The following FEZ2 variants were observed in gnomAD, a reference collection of about 807,000 sequenced individuals.
The protein encoded by FEZ2 is fasciculation and elongation protein zeta 2.
Under a neutral mutation model 40.4 loss-of-function variants are expected in FEZ2, and 51 were observed. That is an observed-to-expected ratio of 1.26 (90% CI 1.01 to 1.59). The LOEUF (loss-of-function observed/expected upper bound fraction) is 1.59. Among genes scored for constraint, FEZ2 ranks in the 40% most tolerant of loss-of-function variants. The probability of loss-of-function intolerance (pLI) is 0.00; values close to 1 mark genes in which losing one functional copy is unlikely to be tolerated. For synonymous variants in FEZ2, 242 were observed against 172.0 expected (o/e 1.41, Z -3.18); for missense variants, 640 against 438.3 (o/e 1.46, Z -4.11).
rs1420652810 is a variant in FEZ2 at position 36,569,988 on chromosome 2, CACG to C, written c.903+8606_903+8608del. Reference sequence around the variant, plus strand: ...AACATAATTATTGTTCCTGATAAATCACGACACTTTCAATAGCTTGAATATGAT... The same window carrying C: ...AACATAATTATTGTTCCTGATAAATCACACTTTCAATAGCTTGAATATGAT... On this transcript the variant is annotated intron_variant, in intron 5 of 7. Transcript: ENST00000405912. Among the ~76,000 whole-genome samples the C allele has an allele frequency of 2.0e-5, 3 of 152,224 alleles. No homozygotes were observed. The East Asian group carries it at 5.8e-4, about 29-fold the overall frequency.
intron 2 of FEZ2, 120 bp downstream of exon 2, chr2:36,590,783 T>G (rs560035909): frequency 1.5e-6 from 1 of 663,780 alleles, no homozygotes; most frequent in African/African-American, 1.8e-5. Flanking sequence ...CCACCCAAAC[T>G]GCTATAATTT....
At chr2:36,566,599 A>C (rs1035437462) in intron 5 of FEZ2, among the ~76,000 whole-genome samples, 1 of 152,246 alleles carries the variant, frequency 6.6e-6, no homozygotes, top group Non-Finnish European at 1.5e-5. Context: ...AAAACGCTAC[A>C]GCGATCATTA....
chr2:36,579,636 C>A lies in FEZ2; in HGVS notation c.635-771G>T, dbSNP rs181433802. Among the ~76,000 whole-genome samples the A allele has an allele frequency of 3.7e-4, 56 of 152,124 alleles. No homozygotes were observed. In the East Asian group the frequency reaches 9.3e-3, roughly 25 times the overall value. ...ACCATGAGTAAAAGCTCCCTGAGGC[C>A]CCCCCAGAAGCAGATGCTACCAGGC... is the stretch of plus-strand genomic sequence containing the variant. On this transcript the variant is annotated intron_variant, in intron 4 of 7. Transcript: ENST00000405912.
rs764864268 is a variant in FEZ2, at chr2:36,578,663, C to T, written c.837G>A (p.Lys279=). The T allele has an allele frequency of 6.2e-7, 1 of 1,613,682 alleles. No homozygotes were observed. Among genetic ancestry groups the T allele is most frequent in the Admixed American group, 1.7e-5 (1 of 59,910 alleles). ...KQKEHKETAK[K]KKKLKNGSSQ... is the part of the protein sequence containing the mutation. ...AGCTGCCATTTTTTAGTTTCTTTTT[C>T]TTTTTTGCTGTTTCTTTGTGCTCTT... The change falls in exon 5 of 8, where the codon AAG becomes AAA. Residue 279 remains lysine, a synonymous_variant. Transcript: ENST00000405912.
chr2:36,562,600 A>AG (rs1351220843), intron 5 of FEZ2, among the ~76,000 whole-genome samples: 2 of 152,218 alleles, frequency 1.3e-5, no homozygotes, highest in Non-Finnish European at 2.9e-5. Context: ...ACTACTCTTC[A>AG]CTTCACTGAA....
intron 7 of FEZ2, among the ~76,000 whole-genome samples, chr2:36,554,721 T>C (rs958505830): frequency 6.6e-6 from 1 of 152,192 alleles, no homozygotes; most frequent in Admixed American, 6.5e-5. Flanking sequence ...ACAAGTGAAA[T>C]GTGTGATTCA....
At chr2:36,562,774 T>C (rs980301860) in intron 5 of FEZ2, among the ~76,000 whole-genome samples, 33 of 152,252 alleles carry the variant, frequency 2.2e-4, no homozygotes, top group Admixed American at 2.1e-3. Context: ...ATAACAATTA[T>C]GAGAAACTAT....
intron 5 of FEZ2, among the ~76,000 whole-genome samples, chr2:36,559,575 C>G (rs552350926): frequency 1.3e-5 from 2 of 152,238 alleles, no homozygotes; most frequent in Non-Finnish European, 2.9e-5. Context: ...AAGTGTCCCA[C>G]CGTCTTTTTG....
chr2:36,579,400 C>T (rs181412498), intron 4 of FEZ2, among the ~76,000 whole-genome samples: 1 of 152,194 alleles, frequency 6.6e-6, no homozygotes, highest in Non-Finnish European at 1.5e-5. Flanking sequence ...CCACCCAAAT[C>T]TCATACAGAA....
chr2:36,553,614 G>A (rs1004239020), intron 7 of FEZ2, among the ~76,000 whole-genome samples: 3 of 152,112 alleles, frequency 2.0e-5, no homozygotes, highest in Non-Finnish European at 1.5e-5. Context: ...CAGCAGTGGC[G>A]GCAGGCTGCA....
At chr2:36,561,961 G>T (rs183768424) in intron 5 of FEZ2, among the ~76,000 whole-genome samples, 1 of 152,298 alleles carries the variant, frequency 6.6e-6, no homozygotes, top group Admixed American at 6.5e-5. Flanking sequence ...CCTGCCAAGA[G>T]GTCCCTGAAA....
At chr2:36,588,778 GT>G (rs201026855) in intron 2 of FEZ2, among the ~76,000 whole-genome samples, 6 of 149,224 alleles carry the variant, frequency 4.0e-5, no homozygotes, top group East Asian at 4.0e-4. Context: ...TTATTGTGGG[GT>G]TTTTTTTTCA....
chr2:36,595,463 A>G (rs1669188925), intron 1 of FEZ2, among the ~76,000 whole-genome samples: 1 of 152,098 alleles, frequency 6.6e-6, no homozygotes, highest in African/African-American at 2.4e-5. Flanking sequence ...ATGAGAATCT[A>G]ATGCCGTGGC....
At chr2:36,570,348 C>G (rs569387745) in intron 5 of FEZ2, among the ~76,000 whole-genome samples, 1 of 151,884 alleles carries the variant, frequency 6.6e-6, no homozygotes, top group Non-Finnish European at 1.5e-5. Flanking sequence ...AAATATAATA[C>G]AAAGATCTTC....
In FEZ2 at chr2:36,578,800, C is replaced by A. The variant is rs757536399; in HGVS notation, c.700G>T (p.Glu234Ter). The change falls in exon 5 of 8, where the codon GAG becomes TAG. Residue 234 changes from glutamate (E) to a stop codon, truncating the protein, a stop_gained. Transcript: ENST00000405912. LOFTEE classifies it high-confidence loss of function. Reference sequence around the variant, plus strand: ...TGCTGCACCAGCTCCTCAGAGTACTCCTTAATGGCAGTCTCAATTTCTTCC... The same window carrying A: ...TGCTGCACCAGCTCCTCAGAGTACTACTTAATGGCAGTCTCAATTTCTTCC... ...ILEEIETAIK[E>*]YSEELVQQLA... 2 of 1,613,626 alleles carry A rather than the reference C, an allele frequency of 1.2e-6. No homozygotes were observed. Among genetic ancestry groups the A allele is most frequent in the Non-Finnish European group, 1.7e-6 (2 of 1,179,734 alleles).
chr2:36,590,736 A>C (rs562221705), intron 2 of FEZ2, 167 bp downstream of exon 2: 1 of 545,530 alleles, frequency 1.8e-6, no homozygotes, highest in East Asian at 3.1e-5. Context: ...ATGTGCCAGC[A>C]AGGTGATGGC....
chr2:36,566,810 A>T (rs1179498), intron 5 of FEZ2, among the ~76,000 whole-genome samples: 76,420 of 152,082 alleles, frequency 0.5, 20,862 homozygotes, highest in East Asian at 0.85. Context: ...AAGGCCTGTT[A>T]CCTCACCTGT....
In FEZ2 at chr2:36,590,998, G is replaced by A; in HGVS notation, c.280C>T (p.Leu94=). Residue 94 remains leucine (L), a synonymous_variant, in exon 2 of 8, where the codon CTG becomes TTG. Transcript: ENST00000405912. ...ATCACATTCCCATAATTATCTGTCA[G>A]GGCATTCCAAATCCTTAAAAAGAAG... The part of the protein sequence containing the change: ...LLQGDEIWNA[L]TDNYGNVMPV... 6.2e-7 allele frequency: 1 copy of A among 1,603,844 alleles called. No homozygotes were observed. Among genetic ancestry groups the A allele is most frequent in the Non-Finnish European group, 8.5e-7 (1 of 1,170,670 alleles).
At chr2:36,553,986 T>C (rs964163287) in intron 7 of FEZ2, among the ~76,000 whole-genome samples, 12 of 152,158 alleles carry the variant, frequency 7.9e-5, no homozygotes, top group African/African-American at 2.7e-4. Context: ...CACACACATT[T>C]GGGTAAATAC....
Sources: gnomAD v4.1 joint callset for allele counts (sites outside exome capture counted in the v4.1 genomes callset) on GRCh38, gnomAD v4.1.1 for gene constraint, MANE v1.5 for transcripts, NCBI Gene and HGNC (gene_info 2026-07-23, HGNC 2026-07-21) for gene names.